TMTC2: variants seen among roughly 807,000 people sequenced by gnomAD.
TMTC2 encodes transmembrane O-mannosyltransferase targeting cadherins 2, also known as protein O-mannosyl-transferase TMTC2.
A neutral mutation model predicts 82.4 loss-of-function variants in TMTC2; 43 were observed. That is an observed-to-expected ratio of 0.52 (90% confidence interval 0.41 to 0.67). The LOEUF (loss-of-function observed/expected upper bound fraction) is 0.67. Ranked by LOEUF, TMTC2 falls within the 30% of genes least tolerant of loss-of-function variation. The probability of loss-of-function intolerance (pLI) is 0.00; values close to 1 mark genes in which losing one functional copy is unlikely to be tolerated. For missense variants in TMTC2, 919 were observed against 1,012.4 expected (o/e 0.91, Z 1.25); for synonymous variants, 408 against 381.9 (o/e 1.07, Z -0.80).
At chr12:83,013,858 G>A (rs2137391209) in intron 8 of TMTC2, among the ~76,000 whole-genome samples, 1 of 152,302 alleles carries the variant, frequency 6.6e-6, no homozygotes, top group South Asian at 2.1e-4. Flanking sequence ...CGAAGAGACA[G>A]TGGACCTTTT....
intron 2 of TMTC2, among the ~76,000 whole-genome samples, chr12:82,875,899 TAAAA>T (rs781413116): frequency 4.4e-5 from 5 of 113,580 alleles, no homozygotes; most frequent in South Asian, 5.6e-4. Context: ...AGCTCACGCT[TAAAA>T]AAAAAAAAAA....
chr12:82,702,649 A>G (rs1333257418), intron 1 of TMTC2, among the ~76,000 whole-genome samples: 1 of 152,214 alleles, frequency 6.6e-6, no homozygotes, highest in Non-Finnish European at 1.5e-5. Flanking sequence ...AGAAGAAGCC[A>G]GGTGTGGTGG....
rs1012512184 is a variant in TMTC2, at chr12:83,134,376, T to G, written c.*1987T>G. The stretch of plus-strand genomic sequence containing the variant: ...ATTTATTTAAATAGTTATTGACCTA[T>G]GATGACTTTCTAGTCTTAACATTTT... On this transcript the variant is annotated 3_prime_UTR_variant, in exon 12 of 12. Coordinates refer to ENST00000321196, the MANE Select transcript of TMTC2 (RefSeq NM_152588.3). The G allele has an allele frequency of 6.6e-6, 1 of 152,520 alleles. No homozygotes were observed. The highest frequency in any genetic ancestry group is 2.4e-5 in the African/African-American group (1 of 41,450). The allele number at this position is 152,520 out of a possible 1,614,324, so 9.4% of individuals were successfully genotyped here. A position where few individuals can be genotyped will look rare whatever the true frequency, so the allele number is the denominator to read the frequency against.
At chr12:82,953,990 C>T (rs1177323852) in intron 4 of TMTC2, among the ~76,000 whole-genome samples, 1 of 152,098 alleles carries the variant, frequency 6.6e-6, no homozygotes, top group African/African-American at 2.4e-5. Context: ...TGCCTATAAA[C>T]ATTGTTATCT....
rs563072962 is a variant in TMTC2 at position 83,133,401 on chromosome 12, G to A, written c.*1012G>A. ...TGCCAGTGATTTTGTGTTTTGGAAA[G>A]GGTAGGTATCGAATGTTAATCACTT... On this transcript the variant is annotated 3_prime_UTR_variant, in exon 12 of 12. Transcript: ENST00000321196. The A allele has an allele frequency of 2.6e-5, 4 of 152,192 alleles. No homozygotes were observed. Among genetic ancestry groups the A allele is most frequent in the Non-Finnish European group, 5.9e-5 (4 of 68,022 alleles). The allele number at this position is 152,192 out of a possible 1,614,324, so 9.4% of individuals were successfully genotyped here.
At chr12:82,903,208 C>T (rs1245577182) in intron 3 of TMTC2, among the ~76,000 whole-genome samples, 2 of 152,110 alleles carry the variant, frequency 1.3e-5, no homozygotes, top group Admixed American at 6.6e-5. Context: ...AAATTGACTG[C>T]CCTGCTATAA....
chr12:82,833,254 G>T (rs941093817), intron 1 of TMTC2, among the ~76,000 whole-genome samples: 6 of 152,114 alleles, frequency 3.9e-5, no homozygotes, highest in Non-Finnish European at 7.4e-5. Context: ...AAACCAGCTG[G>T]ACAAACATTT....
intron 1 of TMTC2, among the ~76,000 whole-genome samples, chr12:82,743,675 T>C (rs1326046132): frequency 6.6e-6 from 1 of 152,152 alleles, no homozygotes; most frequent in Non-Finnish European, 1.5e-5. Context: ...ATTTTTTGAG[T>C]GCCCTTCTTC....
chr12:82,938,278 G>A (rs1440658583), intron 4 of TMTC2, among the ~76,000 whole-genome samples: 2 of 152,066 alleles, frequency 1.3e-5, no homozygotes, highest in Non-Finnish European at 2.9e-5. Flanking sequence ...CAGGTTTTGA[G>A]AATATTTGAG....
chr12:82,895,058 C>T (rs1312018219), intron 2 of TMTC2, among the ~76,000 whole-genome samples: 1 of 151,148 alleles, frequency 6.6e-6, no homozygotes, highest in African/African-American at 2.4e-5. Flanking sequence ...CTCAAATGAT[C>T]CACCCACCTC....
chr12:83,020,885 A>G (rs927495885), intron 8 of TMTC2, among the ~76,000 whole-genome samples: 7 of 152,192 alleles, frequency 4.6e-5, no homozygotes, highest in Non-Finnish European at 8.8e-5. Flanking sequence ...ATATTCATAG[A>G]AGTCAACCAT....
At chr12:82,796,919 G>GT (rs71432132) in intron 1 of TMTC2, among the ~76,000 whole-genome samples, 4 of 152,092 alleles carry the variant, frequency 2.6e-5, no homozygotes, top group African/African-American at 9.7e-5. Context: ...TTTTTGTGAA[G>GT]TTTTATTGAC....
At chr12:82,827,858 C>T (rs546034042) in intron 1 of TMTC2, among the ~76,000 whole-genome samples, 8 of 151,454 alleles carry the variant, frequency 5.3e-5, no homozygotes, top group Non-Finnish European at 1.0e-4. Flanking sequence ...CCACCATGTC[C>T]AGCTTATTTT....
chr12:83,097,439 A>G (rs957369843), intron 11 of TMTC2, among the ~76,000 whole-genome samples: 2 of 152,126 alleles, frequency 1.3e-5, no homozygotes, highest in South Asian at 2.1e-4. Context: ...TGGGCTCACA[A>G]CTGCTTCCTA....
chr12:82,694,997 A>G (rs933147282), intron 1 of TMTC2, among the ~76,000 whole-genome samples: 1 of 152,300 alleles, frequency 6.6e-6, no homozygotes, highest in Admixed American at 6.5e-5. Context: ...CCAGCCTAGG[A>G]ATTCTCACTT....
intron 1 of TMTC2, among the ~76,000 whole-genome samples, chr12:82,774,999 A>G (rs76212858): frequency 0.033 from 5,076 of 152,194 alleles, 273 homozygotes; most frequent in African/African-American, 0.11. Context: ...TGCTTCTGCC[A>G]TAGATCAACT....
At chr12:82,937,787 T>TAC (rs1565818425) in intron 4 of TMTC2, among the ~76,000 whole-genome samples, 38 of 23,900 alleles carry the variant, frequency 1.6e-3, no homozygotes, top group South Asian at 3.2e-3. Flanking sequence ...TATATATATA[T>TAC]ATATATATAC....
intron 11 of TMTC2, among the ~76,000 whole-genome samples, chr12:83,075,786 C>T (rs1285666391): frequency 6.6e-6 from 1 of 152,200 alleles, no homozygotes; most frequent in Non-Finnish European, 1.5e-5. Context: ...CTTCAAACTC[C>T]TTTCTACTCT....
rs750819932 is a variant in TMTC2, at chr12:82,958,354, CAAAA to C, written c.1599-6657_1599-6654del. The stretch of plus-strand genomic sequence containing the variant: ...TAGGTGACAGAGCAAGAGTCTGTCT[CAAAA>C]AAAAAAAAAAAACAAAAAAAACAAA... On this transcript the variant is annotated intron_variant, in intron 4 of 11. Coordinates refer to ENST00000321196, the MANE Select transcript of TMTC2 (RefSeq NM_152588.3). Among the ~76,000 whole-genome samples, 28 of 19,954 alleles carry C rather than the reference CAAAA, an allele frequency of 1.4e-3. No homozygotes were observed. The East Asian group carries it at 0.015, about 11-fold the overall frequency. The allele number at this position is 19,954 out of a possible 152,430, so 13.1% of individuals were successfully genotyped here.
Sources: gnomAD v4.1 joint callset for allele counts (sites outside exome capture counted in the v4.1 genomes callset) on GRCh38, gnomAD v4.1.1 for gene constraint, MANE v1.5 for transcripts, NCBI Gene and HGNC (gene_info 2026-07-23, HGNC 2026-07-21) for gene names.